JDP2: variants seen among roughly 807,000 people sequenced by gnomAD.
JDP2 encodes progesterone receptor co-activator.
A neutral mutation model predicts 17.1 loss-of-function variants in JDP2; 9 were observed. The ratio of observed to expected loss-of-function variants is 0.53; its 90% CI spans 0.32 to 0.92. The LOEUF (loss-of-function observed/expected upper bound fraction) is 0.92, where lower values mean the gene tolerates loss of function less well. Ranked by LOEUF, JDP2 falls within the 40% of genes least tolerant of loss-of-function variation. The probability of loss-of-function intolerance (pLI) is 0.04; values close to 1 mark genes in which losing one functional copy is unlikely to be tolerated. For missense variants in JDP2, 179 were observed against 220.0 expected, an observed-to-expected ratio of 0.81 and a Z score of 1.18; for synonymous variants, 107 against 95.6, an observed-to-expected ratio of 1.12 and a Z score of -0.69.
intron 3 of JDP2, among the ~76,000 whole-genome samples, chr14:75,467,698 C>T (rs751637240): frequency 5.9e-5 from 9 of 152,080 alleles, no homozygotes; most frequent in Non-Finnish European, 1.3e-4. Flanking sequence ...TGCCCCAGCC[C>T]GAGGGCTCAC....
In JDP2 at chr14:75,473,604, G is replaced by A. The variant is rs1056489329; in HGVS notation, c.*4129G>A. The A allele has an allele frequency of 9.2e-5, 14 of 152,180 alleles. No individual in the cohort carries two copies. The highest frequency in any genetic ancestry group is 3.4e-4 in the African/African-American group (14 of 41,514). 9.4% of individuals were successfully genotyped at this position (152,180 alleles called of 1,614,324 possible). A position where few individuals can be genotyped will look rare whatever the true frequency, so the allele number is the denominator to read the frequency against. On this transcript the variant is annotated 3_prime_UTR_variant, in exon 4 of 4. Coordinates refer to ENST00000651602, the MANE Select transcript of JDP2 (RefSeq NM_001135048.2). ...ATCAGCATAAGAACAAATAAATTGTGGTATTTTCCTAAAATTGAATATTAC... is the reference window on the plus strand; with the variant it reads ...ATCAGCATAAGAACAAATAAATTGTAGTATTTTCCTAAAATTGAATATTAC...
intron 2 of JDP2, 34 bp downstream of exon 2, chr14:75,438,155 G>A (rs759898537): frequency 5.9e-6 from 9 of 1,536,012 alleles, no homozygotes; most frequent in Middle Eastern, 1.7e-4. Context: ...CAGATTCCAG[G>A]TCTGGCCTTA....
rs147262256 is a variant in JDP2, at chr14:75,442,849, G to A, written c.201+4728G>A. On this transcript the variant is annotated intron_variant, in intron 2 of 3. Transcript: ENST00000651602. ...TACTTTTGGGAATGTGACTCTTTGC[G>A]GTTTCTTCCTCTCCTCAGGCTCTTC... is the stretch of plus-strand genomic sequence containing the variant. Among the ~76,000 whole-genome samples the A allele has an allele frequency of 2.3e-3, 352 of 152,196 alleles. 1 individual carries two copies. Among genetic ancestry groups the A allele is most frequent in the African/African-American group, 7.8e-3 (325 of 41,522 alleles).
chr14:75,447,888 G>A (rs1192524441), intron 2 of JDP2, among the ~76,000 whole-genome samples: 1 of 152,024 alleles, frequency 6.6e-6, no homozygotes, highest in East Asian at 1.9e-4. Flanking sequence ...GAACTCCTGA[G>A]CTCAAAGTGA....
At chr14:75,451,736 G>A (rs1885875931) in intron 2 of JDP2, among the ~76,000 whole-genome samples, 1 of 152,162 alleles carries the variant, frequency 6.6e-6, no homozygotes, top group Non-Finnish European at 1.5e-5. Flanking sequence ...TGCACAGTCA[G>A]GCAGAGCCTC....
chr14:75,464,517 C>T lies in JDP2; in HGVS notation c.306+2987C>T, dbSNP rs892579746. Among the ~76,000 whole-genome samples, 8 of 152,162 alleles carry T rather than the reference C, an allele frequency of 5.3e-5. No homozygotes were observed. In the East Asian group the frequency reaches 1.2e-3, roughly 22 times the overall value. ...TAACCTAGAGATGATTTAAAGTATA[C>T]GGGAGATGTGTATAGGTGATATCCA... On this transcript the variant is annotated intron_variant, in intron 3 of 3. Transcript: ENST00000651602.
At chr14:75,465,118 A>T (rs1045156794) in intron 3 of JDP2, among the ~76,000 whole-genome samples, 1 of 152,166 alleles carries the variant, frequency 6.6e-6, no homozygotes, top group Non-Finnish European at 1.5e-5. Flanking sequence ...CCCACACAAT[A>T]TTCAGGTTGC....
In JDP2 at chr14:75,430,214, G is replaced by A. The variant is rs180849485; in HGVS notation, c.-24+1962G>A. Among the ~76,000 whole-genome samples, 236 of 152,208 alleles carry A rather than the reference G, an allele frequency of 1.6e-3. 1 individual carries two copies. Among genetic ancestry groups the A allele is most frequent in the African/African-American group, 5.4e-3 (225 of 41,520 alleles). ...ATAGGCTCTCTGGGCCTTGTTTGTC[G>A]TGGGGCTACTGGTGTTGCAATGGGC... On this transcript the variant is annotated intron_variant, in intron 1 of 3. Coordinates refer to ENST00000651602, the MANE Select transcript of JDP2 (RefSeq NM_001135048.2). This position sits in a 1 kb window ranked among gnomAD's most constrained non-coding sequence, Gnocchi z 4.5.
At position 75,470,230 on chromosome 14, in the gene JDP2, A is replaced by G. The variant is rs1474701559; in HGVS notation, c.*755A>G. On this transcript the variant is annotated 3_prime_UTR_variant, in exon 4 of 4. Coordinates refer to ENST00000651602, the MANE Select transcript of JDP2 (RefSeq NM_001135048.2). ...AAAAAAGATTTTATACAAGCAATAT[A>G]TATATGGATTTCTATAATCACTCGA... 6.8e-6 allele frequency: 1 copy of G among 146,590 alleles called. No individual in the cohort carries two copies. The highest frequency in any genetic ancestry group is 1.5e-5 in the Non-Finnish European group (1 of 67,062). The allele number at this position is 146,590 out of a possible 1,614,324, so 9.1% of individuals were successfully genotyped here.
intron 1 of JDP2, among the ~76,000 whole-genome samples, chr14:75,433,004 C>T (rs528566307): frequency 6.6e-6 from 1 of 151,560 alleles, no homozygotes; most frequent in African/African-American, 2.4e-5. Flanking sequence ...GAGTTCGAGA[C>T]CAGCCTGACC....
chr14:75,467,991 T>C (rs1241984773), intron 3 of JDP2, among the ~76,000 whole-genome samples: 1 of 152,084 alleles, frequency 6.6e-6, no homozygotes, highest in Non-Finnish European at 1.5e-5. Flanking sequence ...TCAGACCAGC[T>C]GTGGGAGGAA....
intron 2 of JDP2, among the ~76,000 whole-genome samples, chr14:75,451,498 T>C (rs116207294): frequency 0.013 from 2,010 of 152,178 alleles, 38 homozygotes; most frequent in African/African-American, 0.044. Flanking sequence ...CAAATCCAGA[T>C]TTGGTTGGCA....
chr14:75,454,257 C>G (rs1886001744), intron 2 of JDP2, among the ~76,000 whole-genome samples: 1 of 152,158 alleles, frequency 6.6e-6, no homozygotes, highest in East Asian at 1.9e-4. Flanking sequence ...TTAAAAACTT[C>G]TAACTCTAAA....
rs373822498 is a variant in JDP2, at chr14:75,438,110, G to A, written c.190G>A (p.Val64Met). The A allele has an allele frequency of 2.8e-5, 45 of 1,607,770 alleles. No homozygotes were observed. The African/African-American group carries it at 3.3e-4, about 12-fold the overall frequency. ...GAAACTGGGCAAGAGGCCCCAGCCC[G>A]TGAAAAGTGAGGTGAGCGAGCCTTT... ...EVKLGKRPQPVKSELDEEEER... is the reference protein window; with the variant it reads ...EVKLGKRPQPMKSELDEEEER... Residue 64 changes from valine to methionine, a missense_variant, in exon 2 of 4, where the codon GTG becomes ATG. By Grantham distance (21) the Val-to-Met change is conservative (BLOSUM62 1). Transcript: ENST00000651602.
chr14:75,457,901 G>C (rs2139987819), intron 2 of JDP2, among the ~76,000 whole-genome samples: 1 of 152,376 alleles, frequency 6.6e-6, no homozygotes, highest in South Asian at 2.1e-4. Flanking sequence ...AGGCCATGCA[G>C]ATGCAAACGG....
chr14:75,437,526 TATC>T (rs1184394665), intron 1 of JDP2, among the ~76,000 whole-genome samples: 1 of 152,226 alleles, frequency 6.6e-6, no homozygotes, highest in Non-Finnish European at 1.5e-5. Flanking sequence ...TTAAGCGAAT[TATC>T]ATTCTAAGCT....
intron 2 of JDP2, chr14:75,445,680 AG>A: frequency 1.3e-6 from 1 of 763,012 alleles, no homozygotes; most frequent in Non-Finnish European, 1.6e-6. Flanking sequence ...AATGGATCGA[AG>A]GCCTAAATGT....
chr14:75,445,103 A>C, intron 2 of JDP2: 1 of 985,380 alleles, frequency 1.0e-6, no homozygotes, highest in South Asian at 4.7e-5. Context: ...CACCGGCAAC[A>C]TGGACTCAGA....
At chr14:75,435,520 T>C (rs1885024741) in intron 1 of JDP2, among the ~76,000 whole-genome samples, 1 of 152,062 alleles carries the variant, frequency 6.6e-6, no homozygotes, top group East Asian at 1.9e-4. Flanking sequence ...CGTTACCTAT[T>C]GGACCCCAGA....
Sources: gnomAD v4.1 joint callset for allele counts (sites outside exome capture counted in the v4.1 genomes callset) on GRCh38, gnomAD v4.1.1 for gene constraint, Gnocchi (gnomAD v3.1) non-coding constraint, MANE v1.5 for transcripts, NCBI Gene and HGNC (gene_info 2026-07-23, HGNC 2026-07-21) for gene names.